Variants in PGR observed in about 807,000 individuals in gnomAD.
PGR encodes the protein progesterone receptor.
Under a neutral mutation model 76.1 loss-of-function variants are expected in PGR, and 25 were observed. That is an observed-to-expected ratio of 0.33 (90% confidence interval 0.24 to 0.46). The LOEUF (loss-of-function observed/expected upper bound fraction) is 0.46, where lower values mean the gene tolerates loss of function less well. PGR is among the 20% of genes least tolerant of loss of function. The pLI is 1.00. For synonymous variants in PGR, 579 were observed against 535.0 expected (o/e 1.08, Z -1.14); for missense variants, 1,172 against 1,225.3 (o/e 0.96, Z 0.65).
intron 6 of PGR, among the ~76,000 whole-genome samples, chr11:101,047,031 G>A (rs1859911530): frequency 6.6e-6 from 1 of 152,144 alleles, no homozygotes. Context: ...TAGAATTTGT[G>A]GAAAGCGTAA....
intron 6 of PGR, among the ~76,000 whole-genome samples, chr11:101,048,722 T>C (rs1859979654): frequency 6.6e-6 from 1 of 152,186 alleles, no homozygotes; most frequent in Admixed American, 6.5e-5. Context: ...GACATTACTA[T>C]ACACTACGAT....
chr11:101,042,840 A>G (rs757695313), intron 6 of PGR, among the ~76,000 whole-genome samples: 2 of 152,168 alleles, frequency 1.3e-5, no homozygotes, highest in Non-Finnish European at 2.9e-5. Flanking sequence ...TAAGTGTGCA[A>G]CAGCATTATT....
chr11:101,056,382 G>A (rs541782007), intron 4 of PGR, among the ~76,000 whole-genome samples: 21 of 152,192 alleles, frequency 1.4e-4, no homozygotes, highest in Non-Finnish European at 2.8e-4. Context: ...GCTCATGCCC[G>A]TAGTCCCAGT....
At chr11:101,073,055 A>C (rs1860999215) in intron 3 of PGR, among the ~76,000 whole-genome samples, 1 of 152,234 alleles carries the variant, frequency 6.6e-6, no homozygotes, top group Admixed American at 6.5e-5. Context: ...TTATTCTAAA[A>C]TTGACCACAT....
At chr11:101,050,480 G>A (rs927346100) in intron 5 of PGR, among the ~76,000 whole-genome samples, 2 of 152,002 alleles carry the variant, frequency 1.3e-5, no homozygotes, top group South Asian at 2.1e-4. Flanking sequence ...AATTAAATAG[G>A]AGAAGTCAGT....
rs1545611 is a variant in PGR, at chr11:101,030,035, A to G, written c.*9081T>C. The G allele has an allele frequency of 0.12, 26,979 of 219,890 alleles. 2,117 individuals are homozygous for G. The highest frequency in any genetic ancestry group is 0.16 in the Non-Finnish European group (18,079 of 109,670). 13.6% of individuals were successfully genotyped at this position (219,890 alleles called of 1,614,324 possible). On this transcript the variant is annotated 3_prime_UTR_variant, in exon 8 of 8. Transcript: ENST00000325455. ...CAACATACTCTCAAATGTCTTTCCC[A>G]CTCAGAAATGAGGAGCAAGGTGTAT... is the stretch of plus-strand genomic sequence containing the variant.
rs1282955041 is a variant in PGR at position 101,038,180 on chromosome 11, T to A, written c.*936A>T. On this transcript the variant is annotated 3_prime_UTR_variant, in exon 8 of 8. Coordinates refer to ENST00000325455, the MANE Select transcript of PGR (RefSeq NM_000926.4). Reference sequence around the variant, plus strand: ...ATGTGAATTGATACCTCCCTCCTCCTCCTCTCCCTTTCTTCTTTCCTTTGA... The same window carrying A: ...ATGTGAATTGATACCTCCCTCCTCCACCTCTCCCTTTCTTCTTTCCTTTGA... The A allele has an allele frequency of 2.6e-5, 5 of 191,688 alleles. No homozygotes were observed. Among genetic ancestry groups the A allele is most frequent in the Admixed American group, 1.2e-4 (2 of 16,242 alleles). The allele number at this position is 191,688 out of a possible 1,614,324, so 11.9% of individuals were successfully genotyped here. A position where few individuals can be genotyped will look rare whatever the true frequency, so the allele number is the denominator to read the frequency against.
intron 3 of PGR, among the ~76,000 whole-genome samples, chr11:101,074,863 C>T (rs988469071): frequency 6.6e-6 from 1 of 151,986 alleles, no homozygotes; most frequent in Non-Finnish European, 1.5e-5. Flanking sequence ...GCTCATGGAT[C>T]AGAAGAATCA....
chr11:101,078,166 A>G lies in PGR; in HGVS notation c.1906+13594T>C, dbSNP rs375626948. Reference sequence around the variant, plus strand: ...AGCCCAGAAAGTTATTCTCTTTGCCATAAGAAGTGGTTGAATCTAGGTGGA... The same window carrying G: ...AGCCCAGAAAGTTATTCTCTTTGCCGTAAGAAGTGGTTGAATCTAGGTGGA... On this transcript the variant is annotated intron_variant, in intron 3 of 7. Coordinates refer to ENST00000325455, the MANE Select transcript of PGR (RefSeq NM_000926.4). 5.3e-5 allele frequency among the ~76,000 whole-genome samples: 8 copies of G among 152,300 alleles called. No homozygotes were observed. The East Asian group carries it at 1.3e-3, about 26-fold the overall frequency.
Position 101,128,133 on chromosome 11 carries a change from T to G in PGR, c.938A>C (p.His313Pro). ...CCGAGTGCGGGCTGCCAATAAGGCG[T>G]GATTGAGAGGCAGGATAGGCACGTG... The part of the protein sequence containing the change: ...FIHVPILPLN[H>P]ALLAARTRQL... Residue 313 changes from histidine to proline, a missense_variant, in exon 1 of 8, where the codon CAC (histidine) becomes CCC (proline). His to Pro is a moderately conservative substitution (Grantham distance 77, BLOSUM62 -2). This residue lies in a region of PGR where 893 missense variants were observed against 785.9 expected (regional missense o/e 1.14). Coordinates refer to ENST00000325455, the MANE Select transcript of PGR (RefSeq NM_000926.4). 1 of 1,597,986 alleles carries G rather than the reference T, an allele frequency of 6.3e-7. No individual in the cohort carries two copies. Among genetic ancestry groups the G allele is most frequent in the Non-Finnish European group, 8.5e-7 (1 of 1,179,654 alleles).
intron 7 of PGR, among the ~76,000 whole-genome samples, chr11:101,039,770 C>G (rs1182808619): frequency 6.6e-6 from 1 of 151,930 alleles, no homozygotes; most frequent in Non-Finnish European, 1.5e-5. Context: ...ATTATAAAAA[C>G]AAAAACAGCA....
chr11:101,091,675 T>A, intron 3 of PGR, 85 bp downstream of exon 3: 1 of 800,676 alleles, frequency 1.2e-6, no homozygotes, highest in East Asian at 2.5e-5. Flanking sequence ...AAAACAAAGA[T>A]GAATAAGAAA....
At chr11:101,076,793 TAATAA>T (rs1409066313) in intron 3 of PGR, among the ~76,000 whole-genome samples, 1 of 151,708 alleles carries the variant, frequency 6.6e-6, no homozygotes, top group Non-Finnish European at 1.5e-5. Context: ...TAGCATGTTT[TAATAA>T]AATAATTTGG....
In PGR at chr11:101,127,885, C is replaced by G. The variant is rs776983648; in HGVS notation, c.1186G>C (p.Ala396Pro). 6.9e-6 allele frequency: 11 copies of G among 1,604,468 alleles called. No homozygotes were observed. Among genetic ancestry groups the G allele is most frequent in the Non-Finnish European group, 8.5e-6 (10 of 1,178,080 alleles). Reference sequence around the variant, plus strand: ...TAGGAACGCGGGGAGCGCGCGGAGGCCTCCGCGCCTTCCTCCTCCTCCTTT... The same window carrying G: ...TAGGAACGCGGGGAGCGCGCGGAGGGCTCCGCGCCTTCCTCCTCCTCCTTT... ...KIKEEEEGAE[A>P]SARSPRSYLV... Residue 396 changes from alanine (A) to proline (P), a missense_variant, in exon 1 of 8, where the codon GCC becomes CCC. Coordinates refer to ENST00000325455, the MANE Select transcript of PGR (RefSeq NM_000926.4).
intron 6 of PGR, 105 bp from the exon 7 acceptor site, chr11:101,042,207 C>G (rs1859715443): frequency 8.4e-7 from 1 of 1,192,198 alleles, no homozygotes. Flanking sequence ...TGATACATGA[C>G]TCTAGAAAAA....
chr11:101,091,299 T>C lies in PGR; in HGVS notation c.1906+461A>G, dbSNP rs138824954. ...GATTCCTACCCCAGTTACAGTAATCTTGCTTTAATCAATCACTTGGAGAAG... is the reference window on the plus strand; with the variant it reads ...GATTCCTACCCCAGTTACAGTAATCCTGCTTTAATCAATCACTTGGAGAAG... On this transcript the variant is annotated intron_variant, in intron 3 of 7. Transcript: ENST00000325455. 8.3e-4 allele frequency among the ~76,000 whole-genome samples: 126 copies of C among 152,370 alleles called. 1 individual carries two copies. The highest frequency in any genetic ancestry group is 3.4e-3 in the Middle Eastern group (1 of 294).
At chr11:101,055,240 CTG>C (rs1467436328) in intron 4 of PGR, among the ~76,000 whole-genome samples, 1 of 151,680 alleles carries the variant, frequency 6.6e-6, no homozygotes, top group Admixed American at 6.6e-5. Context: ...TGGTAAAACC[CTG>C]TCTCTACTAA....
intron 2 of PGR, among the ~76,000 whole-genome samples, chr11:101,111,934 TA>T (rs1862357888): frequency 6.6e-6 from 1 of 152,172 alleles, no homozygotes; most frequent in Non-Finnish European, 1.5e-5. Flanking sequence ...CCTCTCATAT[TA>T]AAAGCTAAAG....
chr11:101,104,994 T>C (rs959034205), intron 2 of PGR, among the ~76,000 whole-genome samples: 1 of 151,990 alleles, frequency 6.6e-6, no homozygotes, highest in South Asian at 2.1e-4. Context: ...CTGGAATGGG[T>C]TGGAGAAGTG....
Sources: gnomAD v4.1 joint callset for allele counts (sites outside exome capture counted in the v4.1 genomes callset) on GRCh38, gnomAD v4.1.1 for gene constraint, gnomAD v4.1.1 regional missense constraint, MANE v1.5 for transcripts, NCBI Gene and HGNC (gene_info 2026-07-23, HGNC 2026-07-21) for gene names.